Variants in LARGE1 observed in about 807,000 individuals in gnomAD.
The protein encoded by LARGE1 is xylosyl- and glucuronyltransferase LARGE1.
LARGE1 carries 43 observed loss-of-function variants against 87.6 expected under a neutral mutation model. That is an observed-to-expected ratio of 0.49 (90% CI 0.38 to 0.63). LARGE1 has a LOEUF of 0.63. LARGE1 is among the 30% of genes least tolerant of loss of function. The pLI is 0.00. For synonymous variants in LARGE1, 434 were observed against 394.6 expected, an observed-to-expected ratio of 1.10 and a Z score of -1.18; for missense variants, 802 against 1,000.2, an observed-to-expected ratio of 0.80 and a Z score of 2.67.
the LARGE1 span, among the ~76,000 whole-genome samples, chr22:33,143,787 A>C: frequency 1.3e-5 from 2 of 152,198 alleles, no homozygotes; most frequent in African/African-American, 4.8e-5. Context: ...AATCATTCAC[A>C]TTAAATCAGG....
chr22:33,499,734 T>C (rs369665592), intron 6 of LARGE1, among the ~76,000 whole-genome samples: 3 of 152,186 alleles, frequency 2.0e-5, no homozygotes, highest in Non-Finnish European at 4.4e-5. Flanking sequence ...TACGCAATTA[T>C]GTGTTGTAAT....
In LARGE1 at chr22:33,432,250, C is replaced by A; in HGVS notation, c.803G>T (p.Gly268Val). 6.2e-7 allele frequency: 1 copy of A among 1,614,038 alleles called. No individual in the cohort carries two copies. Among genetic ancestry groups the A allele is most frequent in the Non-Finnish European group, 8.5e-7 (1 of 1,179,916 alleles). ...FHKFKGQQVLGLVENQSDWYL... is the reference protein window; with the variant it reads ...FHKFKGQQVLVLVENQSDWYL... ...CCAGTCACTCTGGTTCTCCACCAAG[C>A]CCAGGACTTGCTGACCTGTGAGGTA... is the stretch of plus-strand genomic sequence containing the variant. The change falls in exon 7 of 15, where the codon GGC (glycine) becomes GTC (valine). Residue 268 changes from glycine (G) to valine (V), a missense_variant. This residue lies in a region of LARGE1 where 625 missense variants were observed against 841.9 expected (regional missense o/e 0.74). Coordinates refer to ENST00000397394, the MANE Select transcript of LARGE1 (RefSeq NM_133642.5).
At chr22:33,291,535 G>A (rs1932554622) in intron 12 of LARGE1, among the ~76,000 whole-genome samples, 1 of 151,782 alleles carries the variant, frequency 6.6e-6, no homozygotes, top group Non-Finnish European at 1.5e-5. Context: ...AGCAGAGGTG[G>A]GGCCTTATGG....
chr22:33,754,195 G>C (rs1308318356), intron 2 of LARGE1, among the ~76,000 whole-genome samples: 1 of 152,134 alleles, frequency 6.6e-6, no homozygotes, highest in Admixed American at 6.5e-5. Context: ...AAGAACTACA[G>C]ACACATGCAC....
At chr22:33,347,310 C>T (rs1939875566) in intron 9 of LARGE1, among the ~76,000 whole-genome samples, 1 of 152,174 alleles carries the variant, frequency 6.6e-6, no homozygotes, top group Non-Finnish European at 1.5e-5. Context: ...AATTTCCAGG[C>T]TGGTAAAGAA....
chr22:33,754,119 T>C (rs902861711), intron 2 of LARGE1, among the ~76,000 whole-genome samples: 8 of 151,942 alleles, frequency 5.3e-5, no homozygotes, highest in African/African-American at 1.5e-4. Flanking sequence ...AAGCAAATAA[T>C]TGGGATAGAC....
At chr22:33,255,913 C>T (rs1195772762) in intron 11 of LARGE1, among the ~76,000 whole-genome samples, 1 of 152,172 alleles carries the variant, frequency 6.6e-6, no homozygotes, top group African/African-American at 2.4e-5. Flanking sequence ...TATTTCACTT[C>T]CCGTTTGACA....
intron 1 of LARGE1, among the ~76,000 whole-genome samples, chr22:33,810,047 G>C (rs1933696496): frequency 6.6e-6 from 1 of 152,166 alleles, no homozygotes; most frequent in Non-Finnish European, 1.5e-5. Context: ...AACTACAGTA[G>C]TCTGCATGCA....
chr22:33,289,751 C>T (rs564484401), intron 12 of LARGE1, among the ~76,000 whole-genome samples: 1 of 152,230 alleles, frequency 6.6e-6, no homozygotes, highest in East Asian at 1.9e-4. Flanking sequence ...GTAAATTCAC[C>T]TTTTCCAGCG....
chr22:33,744,072 C>T (rs1218980832), intron 2 of LARGE1: 1 of 152,214 alleles, frequency 6.6e-6, no homozygotes, highest in Non-Finnish European at 1.5e-5. Flanking sequence ...ATTTACTGAG[C>T]AACAACTATG....
chr22:33,551,023 A>G (rs2077508945), intron 6 of LARGE1, among the ~76,000 whole-genome samples: 1 of 152,204 alleles, frequency 6.6e-6, no homozygotes, highest in African/African-American at 2.4e-5. Context: ...AGAGAGTGGA[A>G]AAACAGACAA....
chr22:33,369,549 A>C (rs2064729593), intron 9 of LARGE1, among the ~76,000 whole-genome samples: 1 of 151,988 alleles, frequency 6.6e-6, no homozygotes, highest in Non-Finnish European at 1.5e-5. Context: ...GCCTACTTTA[A>C]ATCTGGTGAC....
intron 1 of LARGE1, among the ~76,000 whole-genome samples, chr22:33,888,262 GA>G (rs201913335): frequency 2.0e-4 from 29 of 145,464 alleles, no homozygotes; most frequent in Middle Eastern, 3.5e-3. Flanking sequence ...TTTAAAAAAC[GA>G]AAAAAAAAAG....
chr22:33,899,865 CA>C (rs2065239503), intron 1 of LARGE1, among the ~76,000 whole-genome samples: 1 of 152,208 alleles, frequency 6.6e-6, no homozygotes, highest in African/African-American at 2.4e-5. Context: ...TGTATATATT[CA>C]GACAGCAATC....
intron 12 of LARGE1, among the ~76,000 whole-genome samples, chr22:33,284,811 G>A (rs1356424814): frequency 6.6e-6 from 1 of 152,138 alleles, no homozygotes; most frequent in African/African-American, 2.4e-5. Flanking sequence ...TCTTGACCTT[G>A]TGATCCGCCC....
intron 5 of LARGE1, among the ~76,000 whole-genome samples, chr22:33,585,205 C>T (rs1363070650): frequency 6.6e-6 from 1 of 152,090 alleles, no homozygotes; most frequent in African/African-American, 2.4e-5. Flanking sequence ...ATTAATTATT[C>T]CTGCTTCTGA....
At chr22:33,901,371 T>C (rs2065278668) in intron 1 of LARGE1, among the ~76,000 whole-genome samples, 1 of 152,162 alleles carries the variant, frequency 6.6e-6, no homozygotes, top group Non-Finnish European at 1.5e-5. Context: ...CCATAGGAAA[T>C]GAATGCAAAG....
At chr22:33,462,716 G>A (rs1234309575) in intron 6 of LARGE1, among the ~76,000 whole-genome samples, 1 of 152,198 alleles carries the variant, frequency 6.6e-6, no homozygotes, top group Non-Finnish European at 1.5e-5. Context: ...AGGAGGCAGA[G>A]GCTTCAGTGA....
chr22:33,643,932 C>A (rs1286762189), intron 3 of LARGE1, among the ~76,000 whole-genome samples: 1 of 152,066 alleles, frequency 6.6e-6, no homozygotes, highest in Non-Finnish European at 1.5e-5. Flanking sequence ...AGCCTACCAA[C>A]CAAAAAAAGC....
Sources: allele counts gnomAD v4.1 joint callset (sites outside exome capture counted in the v4.1 genomes callset), GRCh38; gene constraint gnomAD v4.1.1; regional missense constraint gnomAD v4.1.1; transcripts MANE v1.5; gene names NCBI Gene and HGNC (gene_info 2026-07-23, HGNC 2026-07-21).